The following PARP1 variants were observed in gnomAD, a reference collection of about 807,000 sequenced individuals.
PARP1 encodes the protein poly [ADP-ribose] polymerase 1.
PARP1 carries 44 observed loss-of-function variants against 118.7 expected under a neutral mutation model. The ratio of observed to expected loss-of-function variants is 0.37; its 90% confidence interval spans 0.29 to 0.48. The LOEUF is 0.48. PARP1 is among the 20% of genes least tolerant of loss of function. PARP1 has a pLI of 0.99. For missense variants in PARP1, 1,100 were observed against 1,272.4 expected (o/e 0.86, Z 2.06); for synonymous variants, 492 against 483.2 (o/e 1.02, Z -0.24).
At chr1:226,387,522 C>G (rs578132848) in intron 5 of PARP1, among the ~76,000 whole-genome samples, 2 of 152,334 alleles carry the variant, frequency 1.3e-5, no homozygotes, top group South Asian at 4.1e-4. Flanking sequence ...CAGGCACACA[C>G]GTCTGCACCT....
chr1:226,363,625 G>T (rs1664197023), intron 20 of PARP1, among the ~76,000 whole-genome samples: 1 of 152,176 alleles, frequency 6.6e-6, no homozygotes, highest in African/African-American at 2.4e-5. Flanking sequence ...TGAAACACTG[G>T]TGAGTGGAGG....
intron 12 of PARP1, among the ~76,000 whole-genome samples, chr1:226,377,828 A>G (rs1017614980): frequency 6.6e-5 from 10 of 152,104 alleles, no homozygotes; most frequent in African/African-American, 2.4e-4. Context: ...CATCACACAC[A>G]CCCAGCTGCT....
At chr1:226,392,136 T>G in intron 3 of PARP1, 63 bp downstream of exon 3, 3 of 1,080,194 alleles carry the variant, frequency 2.8e-6, no homozygotes, top group Non-Finnish European at 4.3e-6. Flanking sequence ...TCTCTTGAGA[T>G]AGCCAATAAC....
At chr1:226,397,626 T>C (rs1400473051) in intron 2 of PARP1, among the ~76,000 whole-genome samples, 1 of 152,166 alleles carries the variant, frequency 6.6e-6, no homozygotes, top group Non-Finnish European at 1.5e-5. Flanking sequence ...TCTCCTGAGA[T>C]CTGGTTGTTG....
chr1:226,402,129 G>C (rs765084158), intron 2 of PARP1, 85 bp downstream of exon 2: 1 of 1,612,116 alleles, frequency 6.2e-7, no homozygotes, highest in East Asian at 2.2e-5. Context: ...AGCTGGGGGA[G>C]GTTTGCTTTG....
chr1:226,383,237 C>T (rs1664655241), intron 7 of PARP1, 54 bp from the exon 8 acceptor site: 1 of 1,414,832 alleles, frequency 7.1e-7, no homozygotes, highest in African/African-American at 1.4e-5. Context: ...AGGTAACCAC[C>T]CCATAGACCA....
intron 19 of PARP1, 69 bp from the exon 20 acceptor site, chr1:226,364,139 G>C: frequency 1.0e-5 from 15 of 1,504,708 alleles, no homozygotes; most frequent in Non-Finnish European, 1.4e-5. Flanking sequence ...TTCACTGAGT[G>C]CCAACTTGAG....
At chr1:226,407,172 A>G (rs1275974629) in intron 1 of PARP1, among the ~76,000 whole-genome samples, 2 of 152,172 alleles carry the variant, frequency 1.3e-5, no homozygotes, top group Admixed American at 6.5e-5. Context: ...TACTCAAACC[A>G]GACAGCTGCA....
intron 7 of PARP1, among the ~76,000 whole-genome samples, chr1:226,384,648 G>A (rs72746760): frequency 6.6e-6 from 1 of 152,354 alleles, no homozygotes; most frequent in Non-Finnish European, 1.5e-5. Context: ...TAAGGGTGGG[G>A]GAAGTGACAA....
chr1:226,380,944 C>T (rs1421670626), intron 9 of PARP1, 124 bp downstream of exon 9: 3 of 1,081,166 alleles, frequency 2.8e-6, no homozygotes, highest in African/African-American at 1.5e-5. Context: ...TAAAGAACCA[C>T]AGCGATGATG....
At chr1:226,405,798 A>G (rs981616960) in intron 1 of PARP1, among the ~76,000 whole-genome samples, 1 of 152,120 alleles carries the variant, frequency 6.6e-6, no homozygotes, top group Non-Finnish European at 1.5e-5. Flanking sequence ...TTCTCAGAAT[A>G]ACATTTAAAA....
chr1:226,402,224 T>C lies in PARP1; in HGVS notation c.276A>G (p.Gly92=), dbSNP rs1181877464. Residue 92 remains glycine, a synonymous_variant, in exon 2 of 23, where the codon GGA becomes GGG. Transcript: ENST00000366794. ...QQKVKKTAEA[G]GVTGKGQDGI... Reference sequence around the variant, plus strand: ...CCAGTATGTACACACCTGTCACTCCTCCAGCTTCCGCTGTCTTCTTGACTT... The same window carrying C: ...CCAGTATGTACACACCTGTCACTCCCCCAGCTTCCGCTGTCTTCTTGACTT... 6.2e-7 allele frequency: 1 copy of C among 1,614,102 alleles called. No homozygotes were observed. The highest frequency in any genetic ancestry group is 1.3e-5 in the African/African-American group (1 of 74,942).
intron 19 of PARP1, chr1:226,364,362 G>A (rs1234003529): frequency 1.5e-5 from 6 of 395,478 alleles, no homozygotes; most frequent in East Asian, 5.9e-5. Context: ...CCATGAGGAC[G>A]GAATGAGCTC....
chr1:226,375,960 T>A (rs1664478861), intron 13 of PARP1, among the ~76,000 whole-genome samples: 1 of 152,198 alleles, frequency 6.6e-6, no homozygotes, highest in Non-Finnish European at 1.5e-5. Flanking sequence ...CCGGGCAATC[T>A]TAGTTTTTTG....
Position 226,365,024 on chromosome 1 carries a change from A to C in PARP1, c.2636T>G (p.Ile879Arg), listed in dbSNP as rs1177152083. 1.4e-5 allele frequency: 22 copies of C among 1,613,988 alleles called. No individual in the cohort carries two copies. Among genetic ancestry groups the C allele is most frequent in the Non-Finnish European group, 1.8e-5 (21 of 1,180,042 alleles). Residue 879 changes from isoleucine to arginine, a missense_variant, in exon 19 of 23, where the codon ATA becomes AGA. Transcript: ENST00000366794. Reference sequence around the variant, plus strand: ...TACCACGGGCGCTTCAGGCGGGGCTATCCGAAGACCCTGGGACAGGATCCC... The same window carrying C: ...TACCACGGGCGCTTCAGGCGGGGCTCTCCGAAGACCCTGGGACAGGATCCC... ...FAGILSQGLR[I>R]APPEAPVTGY...
In PARP1 at chr1:226,386,330, G is replaced by A. The variant is rs201975538; in HGVS notation, c.830C>T (p.Ser277Leu). The A allele has an allele frequency of 1.1e-4, 175 of 1,598,860 alleles. 1 individual carries two copies. Among genetic ancestry groups the A allele is most frequent in the Middle Eastern group, 1.7e-4 (1 of 6,042 alleles). ...FNKQQVPSGESAILDRVADGM... is the reference protein window; with the variant it reads ...FNKQQVPSGELAILDRVADGM... Reference sequence around the variant, plus strand: ...CTTAACACAAAGGCAGCTCACCGCCGACTCCCCAGAAGGCACTTGCTGCTT... The same window carrying A: ...CTTAACACAAAGGCAGCTCACCGCCAACTCCCCAGAAGGCACTTGCTGCTT... The change falls in exon 6 of 23, where the codon TCG (serine) becomes TTG (leucine). Residue 277 changes from serine to leucine, a missense_variant. By Grantham distance (145) the Ser-to-Leu change is moderately radical. This residue lies in a region of PARP1 where 948 missense variants were observed against 1,031.8 expected (regional missense o/e 0.92). Coordinates refer to ENST00000366794, the MANE Select transcript of PARP1 (RefSeq NM_001618.4).
At chr1:226,382,125 A>C (rs1343865744) in intron 8 of PARP1, among the ~76,000 whole-genome samples, 2 of 152,186 alleles carry the variant, frequency 1.3e-5, no homozygotes, top group East Asian at 3.8e-4. Context: ...ATGAAAAGGA[A>C]GTCAATAACA....
intron 3 of PARP1, among the ~76,000 whole-genome samples, chr1:226,391,296 G>A (rs1289305837): frequency 6.6e-6 from 1 of 151,908 alleles, no homozygotes. Context: ...CCCTCCTATG[G>A]CCTCCTTAGT....
rs757894915 is a variant in PARP1 at position 226,383,142 on chromosome 1, T to C, written c.1053A>G (p.Lys351=). Residue 351 remains lysine, a synonymous_variant, in exon 8 of 23, where the codon AAA becomes AAG. Transcript: ENST00000366794. ...EISYLKKLKV[K]KQDRIFPPET... ...CTGGGGGGAATATACGGTCCTGTTT[T>C]TTAACCTTCAATTTCTTGAGGTAAG... The C allele has an allele frequency of 6.2e-7, 1 of 1,613,186 alleles. No individual in the cohort carries two copies. Among genetic ancestry groups the C allele is most frequent in the East Asian group, 2.2e-5 (1 of 44,884 alleles).
Sources: allele counts gnomAD v4.1 joint callset (sites outside exome capture counted in the v4.1 genomes callset), GRCh38; gene constraint gnomAD v4.1.1; regional missense constraint gnomAD v4.1.1; transcripts MANE v1.5; gene names NCBI Gene and HGNC (gene_info 2026-07-23, HGNC 2026-07-21).